Variants in PLEKHH2 observed in about 807,000 individuals in gnomAD.
PLEKHH2 encodes pleckstrin homology, MyTH4 and FERM domain containing H2, also known as pleckstrin homology domain-containing family H member 2.
In PLEKHH2, 129 loss-of-function variants were observed where a neutral mutation model predicts 187.9. That is an observed-to-expected ratio of 0.69 (90% CI 0.59 to 0.79). The LOEUF (loss-of-function observed/expected upper bound fraction) is 0.79, where lower values mean the gene tolerates loss of function less well. Ranked by LOEUF, PLEKHH2 falls within the 30% of genes least tolerant of loss-of-function variation. PLEKHH2 has a pLI of 0.00. For missense variants in PLEKHH2, 2,076 were observed against 1,751.2 expected (o/e 1.19, Z -3.31); for synonymous variants, 686 against 605.6 (o/e 1.13, Z -1.95).
At chr2:43,755,840 C>T (rs1672192210) in intron 25 of PLEKHH2, among the ~76,000 whole-genome samples, 1 of 152,084 alleles carries the variant, frequency 6.6e-6, no homozygotes, top group East Asian at 1.9e-4. Context: ...TGGGTGACAG[C>T]AACAATGTCC....
intron 1 of PLEKHH2, among the ~76,000 whole-genome samples, chr2:43,642,409 T>G (rs1665982777): frequency 6.6e-6 from 1 of 152,198 alleles, no homozygotes; most frequent in Non-Finnish European, 1.5e-5. Flanking sequence ...ATGTCATCTG[T>G]AAGTAGAGAT....
chr2:43,677,100 T>C (rs1667848971), intron 2 of PLEKHH2, among the ~76,000 whole-genome samples: 1 of 152,232 alleles, frequency 6.6e-6, no homozygotes, highest in African/African-American at 2.4e-5. Flanking sequence ...TCTGGCATTT[T>C]GATCAACTTT....
At chr2:43,648,642 G>T (rs1269063629) in intron 2 of PLEKHH2, among the ~76,000 whole-genome samples, 1 of 150,990 alleles carries the variant, frequency 6.6e-6, no homozygotes, top group African/African-American at 2.4e-5. Context: ...GTGCAGTTGC[G>T]CAATCTTGGC....
intron 29 of PLEKHH2, among the ~76,000 whole-genome samples, chr2:43,764,618 A>T (rs1264173873): frequency 6.6e-6 from 1 of 152,248 alleles, no homozygotes; most frequent in African/African-American, 2.4e-5. Flanking sequence ...CTTAAAAATT[A>T]AATGAAGGAA....
chr2:43,639,869 C>T (rs1272010261), intron 1 of PLEKHH2, among the ~76,000 whole-genome samples: 3 of 152,052 alleles, frequency 2.0e-5, no homozygotes, highest in Non-Finnish European at 4.4e-5. Context: ...GTTGGCCAGG[C>T]TTGTCTTGAA....
intron 21 of PLEKHH2, among the ~76,000 whole-genome samples, chr2:43,742,063 T>A (rs949432877): frequency 6.6e-6 from 1 of 152,016 alleles, no homozygotes; most frequent in Non-Finnish European, 1.5e-5. Flanking sequence ...TGCAGTGGCA[T>A]GTTCTTGGCT....
chr2:43,705,635 T>G (rs569698315), intron 9 of PLEKHH2, among the ~76,000 whole-genome samples: 81 of 152,292 alleles, frequency 5.3e-4, no homozygotes, highest in Non-Finnish European at 9.9e-4. Flanking sequence ...TTTTGGTTTT[T>G]GTTTGAGAAC....
intron 24 of PLEKHH2, among the ~76,000 whole-genome samples, chr2:43,747,445 A>G (rs1240036808): frequency 6.6e-6 from 1 of 152,186 alleles, no homozygotes; most frequent in East Asian, 1.9e-4. Context: ...ATCAAAATGC[A>G]TAGAAAAGAA....
chr2:43,669,573 TG>T (rs1252064600), intron 2 of PLEKHH2, among the ~76,000 whole-genome samples: 1 of 152,034 alleles, frequency 6.6e-6, no homozygotes, highest in Non-Finnish European at 1.5e-5. Flanking sequence ...AAATCAGAAA[TG>T]AGGTGATAGA....
intron 2 of PLEKHH2, among the ~76,000 whole-genome samples, chr2:43,677,276 G>C (rs980339623): frequency 6.6e-6 from 1 of 151,848 alleles, no homozygotes; most frequent in Non-Finnish European, 1.5e-5. Context: ...TAGGACAATA[G>C]TGGAGGGAAG....
chr2:43,694,532 T>G lies in PLEKHH2; in HGVS notation c.420+18T>G. 1 of 1,520,474 alleles carries G rather than the reference T, an allele frequency of 6.6e-7. No homozygotes were observed. The highest frequency in any genetic ancestry group is 1.3e-5 in the South Asian group (1 of 79,224). The allele number at this position is 1,520,474 out of a possible 1,614,324, so 94.2% of individuals were successfully genotyped here. Reference sequence around the variant, plus strand: ...TAAATGAGGTATTTATTGCTATATGTTTTCCTTTTCTTTACCTTTTACTTC... The same window carrying G: ...TAAATGAGGTATTTATTGCTATATGGTTTCCTTTTCTTTACCTTTTACTTC... On this transcript the variant is annotated intron_variant, in intron 5 of 29. Transcript: ENST00000282406.
At chr2:43,763,268 G>A (rs1266614349) in intron 28 of PLEKHH2, among the ~76,000 whole-genome samples, 2 of 152,132 alleles carry the variant, frequency 1.3e-5, no homozygotes, top group Non-Finnish European at 2.9e-5. Context: ...CTAGCTCCCA[G>A]GAGGTAGCCA....
At chr2:43,649,137 G>C (rs958071649) in intron 2 of PLEKHH2, among the ~76,000 whole-genome samples, 7 of 152,136 alleles carry the variant, frequency 4.6e-5, no homozygotes, top group African/African-American at 1.7e-4. Context: ...TTGGGCAAGT[G>C]CTGCTGTAAG....
chr2:43,743,802 A>T, intron 22 of PLEKHH2, 32 bp from the exon 23 acceptor site: 1 of 1,576,328 alleles, frequency 6.3e-7, no homozygotes, highest in Non-Finnish European at 8.7e-7. Context: ...TATATTTCTT[A>T]TTAAGAGAAC....
chr2:43,710,984 A>G lies in PLEKHH2; in HGVS notation c.2301+409A>G, dbSNP rs1322307835. 4 of 1,000,992 alleles carry G rather than the reference A, an allele frequency of 4.0e-6. No homozygotes were observed. In the African/African-American group the frequency reaches 7.0e-5, roughly 17 times the overall value. The allele number at this position is 1,000,992 out of a possible 1,614,324, so 62.0% of individuals were successfully genotyped here. Reference sequence around the variant, plus strand: ...AGAATCTGAAAATGACAGTTCTTATATGAACTTCAGATGCCATAACACCAA... The same window carrying G: ...AGAATCTGAAAATGACAGTTCTTATGTGAACTTCAGATGCCATAACACCAA... On this transcript the variant is annotated intron_variant, in intron 14 of 29. Transcript: ENST00000282406.
At chr2:43,691,857 G>T (rs1045772166) in intron 3 of PLEKHH2, among the ~76,000 whole-genome samples, 1 of 152,060 alleles carries the variant, frequency 6.6e-6, no homozygotes, top group African/African-American at 2.4e-5. Context: ...GAGATTTGGG[G>T]GTCTAGTTTA....
At chr2:43,676,301 A>T in intron 2 of PLEKHH2, 1 of 1,610,686 alleles carries the variant, frequency 6.2e-7, no homozygotes, top group Non-Finnish European at 8.5e-7. Flanking sequence ...TTAAAAAATG[A>T]TGTCCCACTA....
intron 3 of PLEKHH2, chr2:43,680,701 C>A: frequency 2.4e-6 from 1 of 409,104 alleles, no homozygotes; most frequent in East Asian, 6.7e-5. Flanking sequence ...GTCAAGTAAG[C>A]CTTCCGAAGG....
intron 14 of PLEKHH2, chr2:43,710,943 GT>G: frequency 9.9e-7 from 1 of 1,009,912 alleles, no homozygotes; most frequent in Non-Finnish European, 1.2e-6. Flanking sequence ...ATTCAGGAAT[GT>G]TTGTATTTTA....
Sources: gnomAD v4.1 joint callset for allele counts (sites outside exome capture counted in the v4.1 genomes callset) on GRCh38, gnomAD v4.1.1 for gene constraint, MANE v1.5 for transcripts, NCBI Gene and HGNC (gene_info 2026-07-23, HGNC 2026-07-21) for gene names.